ACKR3: variants seen among roughly 807,000 people sequenced by gnomAD.
ACKR3 encodes atypical chemokine receptor 3.
In ACKR3, 6 loss-of-function variants were observed where a neutral mutation model predicts 22.4. That is an observed-to-expected ratio of 0.27 (90% CI 0.15 to 0.53). The LOEUF (loss-of-function observed/expected upper bound fraction) is 0.53, where lower values mean the gene tolerates loss of function less well. ACKR3 is among the 20% of genes least tolerant of loss of function. The pLI is 0.96. For missense variants in ACKR3, 396 were observed against 475.2 expected (o/e 0.83, Z 1.55); for synonymous variants, 209 against 205.2 (o/e 1.02, Z -0.16).
At position 236,574,908 on chromosome 2, in the gene ACKR3, T is replaced by C. The variant is rs536030794; in HGVS notation, c.-27+4984T>C. On this transcript the variant is annotated intron_variant, in intron 1 of 1. Coordinates refer to ENST00000272928, the MANE Select transcript of ACKR3 (RefSeq NM_020311.3). The surrounding 1 kb of genome is among the most constrained non-coding windows in gnomAD (Gnocchi z 5.6). ...GACAGAGGAGTCCCTTTGCAGGCCATAGGCTGGCAGGGATGGAGGGCTGGA... is the reference window on the plus strand; with the variant it reads ...GACAGAGGAGTCCCTTTGCAGGCCACAGGCTGGCAGGGATGGAGGGCTGGA... Among the ~76,000 whole-genome samples, 2 of 152,166 alleles carry C rather than the reference T, an allele frequency of 1.3e-5. No homozygotes were observed. Among genetic ancestry groups the C allele is most frequent in the African/African-American group, 4.8e-5 (2 of 41,520 alleles).
chr2:236,542,747 A>G, the ACKR3 span, among the ~76,000 whole-genome samples: 1 of 152,212 alleles, frequency 6.6e-6, no homozygotes, highest in South Asian at 2.1e-4. Context: ...TAAAAAAACA[A>G]GTTGGAAAAT....
At chr2:236,556,884 C>T in the ACKR3 span, among the ~76,000 whole-genome samples, 42 of 152,284 alleles carry the variant, frequency 2.8e-4, no homozygotes, top group African/African-American at 7.9e-4. Context: ...GACGGGGTTT[C>T]GCCATGTTGG....
In ACKR3 at chr2:236,580,920, C is replaced by G; in HGVS notation, c.455C>G (p.Thr152Ser). ...RYLSITYFTN[T>S]PSSRKKMVRR... ...CTCTCCATCACCTACTTCACCAACA[C>G]CCCCAGCAGCAGGAAGAAGATGGTA... The change falls in exon 2 of 2, where the codon ACC (threonine) becomes AGC (serine). Residue 152 changes from threonine (T) to serine (S), a missense_variant. Thr to Ser is a moderately conservative substitution (Grantham distance 58). Coordinates refer to ENST00000272928, the MANE Select transcript of ACKR3 (RefSeq NM_020311.3). 2.5e-6 allele frequency: 4 copies of G among 1,614,194 alleles called. No homozygotes were observed. The highest frequency in any genetic ancestry group is 3.4e-6 in the Non-Finnish European group (4 of 1,180,042).
the ACKR3 span, among the ~76,000 whole-genome samples, chr2:236,552,072 T>C: frequency 6.6e-6 from 1 of 152,222 alleles, no homozygotes; most frequent in Non-Finnish European, 1.5e-5. Context: ...TAGAACTTTC[T>C]GCCTGGGTTT....
the ACKR3 span, among the ~76,000 whole-genome samples, chr2:236,558,809 A>G: frequency 6.6e-6 from 1 of 152,236 alleles, no homozygotes; most frequent in Non-Finnish European, 1.5e-5. Context: ...TAAGCTCTTT[A>G]GAGTGTTTTC....
At chr2:236,572,140 G>A (rs1284565826) in intron 1 of ACKR3, among the ~76,000 whole-genome samples, 3 of 152,252 alleles carry the variant, frequency 2.0e-5, no homozygotes, top group East Asian at 3.9e-4. Context: ...GCGTGCAGGC[G>A]GTGGCCCTGA....
the ACKR3 span, among the ~76,000 whole-genome samples, chr2:236,562,758 C>T: frequency 1.3e-5 from 2 of 152,072 alleles, no homozygotes; most frequent in African/African-American, 2.4e-5. Flanking sequence ...AGGCTCTTCT[C>T]GTCCAGCAGT....
chr2:236,577,145 G>A lies in ACKR3; in HGVS notation c.-26-3295G>A, dbSNP rs984964188. Among the ~76,000 whole-genome samples the A allele has an allele frequency of 6.6e-6, 1 of 152,086 alleles. No individual in the cohort carries two copies. Among genetic ancestry groups the A allele is most frequent in the Non-Finnish European group, 1.5e-5 (1 of 68,010 alleles). ...GGTTAATGATTGAGGATCGGTGATC[G>A]GTGAGTGATGATAGGTGGCCGGTGA... On this transcript the variant is annotated intron_variant, in intron 1 of 1. Coordinates refer to ENST00000272928, the MANE Select transcript of ACKR3 (RefSeq NM_020311.3). The surrounding 1 kb of genome is among the most constrained non-coding windows in gnomAD (Gnocchi z 5.6).
chr2:236,546,446 T>G, the ACKR3 span, among the ~76,000 whole-genome samples: 1 of 152,220 alleles, frequency 6.6e-6, no homozygotes, highest in Non-Finnish European at 1.5e-5. This position sits in a 1 kb window ranked among gnomAD's most constrained non-coding sequence, Gnocchi z 4.9. Context: ...CACTATAAAT[T>G]TAATAAAATT....
intron 1 of ACKR3, among the ~76,000 whole-genome samples, chr2:236,570,537 G>T (rs567744031): frequency 6.6e-6 from 1 of 152,226 alleles, no homozygotes; most frequent in East Asian, 1.9e-4. Context: ...AACACAGCCC[G>T]GTCTTCTCTT....
the ACKR3 span, among the ~76,000 whole-genome samples, chr2:236,543,622 G>A: frequency 6.6e-6 from 1 of 152,100 alleles, no homozygotes; most frequent in Non-Finnish European, 1.5e-5. Context: ...CAGAGTGGGT[G>A]CCCAGTCTAC....
the ACKR3 span, among the ~76,000 whole-genome samples, chr2:236,538,282 T>C: frequency 6.6e-6 from 1 of 152,250 alleles, no homozygotes; most frequent in Middle Eastern, 3.4e-3. Flanking sequence ...TTTAGATGTC[T>C]CCTGAAAAGA....
chr2:236,550,921 T>G, the ACKR3 span, among the ~76,000 whole-genome samples: 1 of 152,224 alleles, frequency 6.6e-6, no homozygotes, highest in Non-Finnish European at 1.5e-5. The surrounding 1 kb of genome is among the most constrained non-coding windows in gnomAD (Gnocchi z 4.6). Context: ...CTTACCTTTC[T>G]ATTTCCTACA....
the ACKR3 span, among the ~76,000 whole-genome samples, chr2:236,549,345 C>T: frequency 6.6e-6 from 1 of 152,206 alleles, no homozygotes. The surrounding 1 kb of genome is among the most constrained non-coding windows in gnomAD (Gnocchi z 5.3). Flanking sequence ...TACATAGTCT[C>T]CCCTGCTGAG....
chr2:236,561,145 C>T, the ACKR3 span, among the ~76,000 whole-genome samples: 318 of 152,066 alleles, frequency 2.1e-3, 1 homozygote, highest in African/African-American at 7.1e-3. Flanking sequence ...TTACTAGAGG[C>T]GAGAGTTTGG....
chr2:236,539,827 T>C, the ACKR3 span, among the ~76,000 whole-genome samples: 1 of 152,174 alleles, frequency 6.6e-6, no homozygotes, highest in Admixed American at 6.5e-5. Flanking sequence ...CTTACAATCA[T>C]GGAGGAAGGC....
the ACKR3 span, among the ~76,000 whole-genome samples, chr2:236,549,864 C>T: frequency 6.6e-6 from 1 of 152,156 alleles, no homozygotes; most frequent in African/African-American, 2.4e-5. This position sits in a 1 kb window ranked among gnomAD's most constrained non-coding sequence, Gnocchi z 5.3. Context: ...GTGAACTGTC[C>T]ATCCATTTAT....
the ACKR3 span, among the ~76,000 whole-genome samples, chr2:236,559,235 T>G: frequency 6.6e-6 from 1 of 152,248 alleles, no homozygotes; most frequent in Non-Finnish European, 1.5e-5. Flanking sequence ...GAACTTTCTA[T>G]TCGGGGTTTT....
At chr2:236,578,618 A>T (rs1691461228) in intron 1 of ACKR3, among the ~76,000 whole-genome samples, 2 of 152,228 alleles carry the variant, frequency 1.3e-5, no homozygotes, top group Non-Finnish European at 2.9e-5. Flanking sequence ...CGCAGAGGGA[A>T]GTGCCCAGAA....
Sources: allele counts gnomAD v4.1 joint callset (sites outside exome capture counted in the v4.1 genomes callset), GRCh38; gene constraint gnomAD v4.1.1; non-coding constraint Gnocchi (gnomAD v3.1); transcripts MANE v1.5; gene names NCBI Gene and HGNC (gene_info 2026-07-23, HGNC 2026-07-21).